TXNRD1: variants seen among roughly 807,000 people sequenced by gnomAD.
TXNRD1 encodes thioredoxin reductase 1.
TXNRD1 carries 57 observed loss-of-function variants against 80.3 expected under a neutral mutation model. That is an observed-to-expected ratio of 0.71 (90% CI 0.57 to 0.89). The LOEUF is 0.89. Ranked by LOEUF, TXNRD1 falls within the 40% of genes least tolerant of loss-of-function variation. The pLI is 0.00. For synonymous variants in TXNRD1, 291 were observed against 285.2 expected (o/e 1.02, Z -0.20); for missense variants, 730 against 803.0 (o/e 0.91, Z 1.10).
rs746261186 is a variant in TXNRD1 at position 104,304,906 on chromosome 12, T to C, written c.415-6384T>C. 2.4e-5 allele frequency: 38 copies of C among 1,610,474 alleles called. No homozygotes were observed. The Admixed American group carries it at 6.3e-4, about 26-fold the overall frequency. On this transcript the variant is annotated intron_variant, in intron 4 of 16. Transcript: ENST00000525566. ...ACATTGTGGCAGCTTTTGAAATTTC[T>C]GAGGCTATGATTACATACTCCTCAT...
At chr12:104,294,753 G>A (rs1336891631) in intron 4 of TXNRD1, among the ~76,000 whole-genome samples, 1 of 152,110 alleles carries the variant, frequency 6.6e-6, no homozygotes, top group East Asian at 1.9e-4. Flanking sequence ...TTACAGGTGT[G>A]AGCCACTGCA....
chr12:104,309,146 C>T (rs972360562), intron 4 of TXNRD1, among the ~76,000 whole-genome samples: 4 of 152,124 alleles, frequency 2.6e-5, no homozygotes, highest in South Asian at 2.1e-4. Context: ...GCAGCCCTCC[C>T]GCTTCGGCCT....
intron 3 of TXNRD1, chr12:104,265,697 A>G (rs1420524832): frequency 1.6e-5 from 26 of 1,603,698 alleles, no homozygotes; most frequent in Non-Finnish European, 2.0e-5. Context: ...ATGAAGGTGG[A>G]GGAGATCGCG....
intron 10 of TXNRD1, among the ~76,000 whole-genome samples, chr12:104,324,837 C>T (rs561747295): frequency 3.9e-5 from 6 of 152,166 alleles, no homozygotes; most frequent in East Asian, 1.9e-4. Flanking sequence ...TTGCCCACTC[C>T]GATTTTTAAG....
intron 16 of TXNRD1, among the ~76,000 whole-genome samples, chr12:104,345,238 C>G (rs7962759): frequency 0.14 from 21,759 of 152,002 alleles, 2,054 homozygotes; most frequent in Non-Finnish European, 0.22. Flanking sequence ...AAGTGTTAGT[C>G]CAGTGGATGA....
intron 7 of TXNRD1, among the ~76,000 whole-genome samples, chr12:104,317,591 A>G (rs1287522703): frequency 6.6e-6 from 1 of 152,098 alleles, no homozygotes; most frequent in Non-Finnish European, 1.5e-5. Flanking sequence ...TGTAATCCCA[A>G]CAGTTTAGGA....
chr12:104,336,849 A>C (rs532523344), intron 15 of TXNRD1, among the ~76,000 whole-genome samples: 1 of 152,348 alleles, frequency 6.6e-6, no homozygotes, highest in South Asian at 2.1e-4. Flanking sequence ...AGCACATGGA[A>C]GTTAAGTAAC....
Position 104,339,174 on chromosome 12 carries a change from T to C in TXNRD1, c.1782T>C (p.Asn594=). 6.2e-7 allele frequency: 1 copy of C among 1,614,010 alleles called. No individual in the cohort carries two copies. Among genetic ancestry groups the C allele is most frequent in the African/African-American group, 1.3e-5 (1 of 75,040 alleles). The change falls in exon 16 of 17, where the codon AAT becomes AAC. Residue 594 remains asparagine, a synonymous_variant. Transcript: ENST00000525566. ...RVVGFHVLGP[N]AGEVTQGFAA... is the part of the protein sequence containing the mutation. ...TGGGCTTTCACGTACTGGGTCCAAA[T>C]GCTGGAGAAGTTACACAAGGCTTTG...
At chr12:104,275,405 G>GA (rs2033736754) in intron 3 of TXNRD1, among the ~76,000 whole-genome samples, 2 of 151,732 alleles carry the variant, frequency 1.3e-5, no homozygotes, top group African/African-American at 4.8e-5. Flanking sequence ...AAAGTAAAAT[G>GA]AAAAAATGAA....
At chr12:104,268,824 G>A (rs879385902) in intron 3 of TXNRD1, among the ~76,000 whole-genome samples, 3 of 151,328 alleles carry the variant, frequency 2.0e-5, no homozygotes, top group African/African-American at 7.3e-5. Context: ...GCGTACAGTA[G>A]AGCTTCTTTC....
chr12:104,279,520 A>T (rs1283397474), intron 3 of TXNRD1, among the ~76,000 whole-genome samples: 1 of 152,156 alleles, frequency 6.6e-6, no homozygotes, highest in Non-Finnish European at 1.5e-5. Flanking sequence ...GGGTGGAAGG[A>T]CCACAAAGGG....
At chr12:104,267,288 T>TTCTTTCTTTCC (rs2033525145) in intron 3 of TXNRD1, among the ~76,000 whole-genome samples, 2 of 149,850 alleles carry the variant, frequency 1.3e-5, no homozygotes, top group South Asian at 2.1e-4. Flanking sequence ...TCTTTCCTCT[T>TTCTTTCTTTCC]TCTGTCTGTC....
rs1593866273 is a variant in TXNRD1 at position 104,334,385 on chromosome 12, G to T, written c.1746+53G>T. On this transcript the variant is annotated intron_variant, in intron 15 of 16. Transcript: ENST00000525566. Reference sequence around the variant, plus strand: ...TAATTTTATTTAGTTGTTGTTTTTTGTTGTTGTTTTTTTTTTAGATGGAGT... The same window carrying T: ...TAATTTTATTTAGTTGTTGTTTTTTTTTGTTGTTTTTTTTTTAGATGGAGT... The T allele has an allele frequency of 4.2e-6, 5 of 1,199,522 alleles. No homozygotes were observed. In the Middle Eastern group the frequency reaches 7.9e-4, roughly 189 times the overall value. The allele number at this position is 1,199,522 out of a possible 1,614,324, so 74.3% of individuals were successfully genotyped here.
intron 16 of TXNRD1, among the ~76,000 whole-genome samples, chr12:104,346,511 A>G (rs1460117102): frequency 6.6e-6 from 1 of 152,216 alleles, no homozygotes; most frequent in Non-Finnish European, 1.5e-5. Context: ...TAAGCCTGGA[A>G]TTTGTTTAAA....
At chr12:104,290,961 T>C (rs1445165174) in intron 4 of TXNRD1, 1 of 653,884 alleles carries the variant, frequency 1.5e-6, no homozygotes, top group Non-Finnish European at 2.7e-6. Context: ...TGTTTTTTCT[T>C]TTTTTTTAAT....
intron 1 of TXNRD1, among the ~76,000 whole-genome samples, chr12:104,227,723 A>T (rs1222695904): frequency 6.6e-6 from 1 of 152,184 alleles, no homozygotes; most frequent in Non-Finnish European, 1.5e-5. Flanking sequence ...GGAGCCACTG[A>T]CCTGTTCTCC....
chr12:104,267,241 C>CTCTTTCTTTCTTTCCTTCTTTCTTTCTT, intron 3 of TXNRD1, among the ~76,000 whole-genome samples: 6 of 85,750 alleles, frequency 7.0e-5, no homozygotes, highest in Admixed American at 6.1e-4. Flanking sequence ...ATTTTCTTTT[C>CTCTTTCTTTCTTTCCTTCTTTCTTTCTT]TCTTTCTTTC....
At chr12:104,332,976 T>A (rs1258791510) in intron 14 of TXNRD1, among the ~76,000 whole-genome samples, 3 of 151,816 alleles carry the variant, frequency 2.0e-5, no homozygotes. Flanking sequence ...TCTTAATGTT[T>A]TTCAAAGTTT....
intron 3 of TXNRD1, chr12:104,286,970 G>A: frequency 8.0e-7 from 1 of 1,244,220 alleles, no homozygotes; most frequent in Non-Finnish European, 1.0e-6. Flanking sequence ...CGCCCGCTCG[G>A]CGCAGGGCGT....
Sources: allele counts gnomAD v4.1 joint callset (sites outside exome capture counted in the v4.1 genomes callset), GRCh38; gene constraint gnomAD v4.1.1; transcripts MANE v1.5; gene names NCBI Gene and HGNC (gene_info 2026-07-23, HGNC 2026-07-21).